Variants in STK39 observed in about 807,000 individuals in gnomAD.
STK39 encodes the protein STE20/SPS1-related proline-alanine-rich protein kinase.
STK39 carries 20 observed loss-of-function variants against 77.8 expected under a neutral mutation model. That is an observed-to-expected ratio of 0.26 (90% CI 0.18 to 0.37). The LOEUF (loss-of-function observed/expected upper bound fraction) is 0.37. Ranked by LOEUF, STK39 falls within the 10% of genes least tolerant of loss-of-function variation. The pLI is 1.00. For missense variants in STK39, 479 were observed against 656.5 expected (o/e 0.73, Z 2.95); for synonymous variants, 246 against 234.1 (o/e 1.05, Z -0.47).
chr2:168,190,124 T>C (rs1288703405), intron 1 of STK39, among the ~76,000 whole-genome samples: 1 of 152,162 alleles, frequency 6.6e-6, no homozygotes, highest in Non-Finnish European at 1.5e-5. Flanking sequence ...TCCGGCCTTA[T>C]TATTCCTAGA....
chr2:168,001,669 A>C (rs568468196), intron 16 of STK39, among the ~76,000 whole-genome samples: 2 of 152,308 alleles, frequency 1.3e-5, no homozygotes, highest in Non-Finnish European at 2.9e-5. Flanking sequence ...TTTTTGATTG[A>C]GCAAACAAGG....
chr2:168,037,568 A>G (rs1327368493), intron 14 of STK39, among the ~76,000 whole-genome samples: 7 of 152,222 alleles, frequency 4.6e-5, no homozygotes, highest in African/African-American at 1.7e-4. Context: ...ATAGGAAGAC[A>G]CTTAAATAAA....
chr2:168,154,325 A>T (rs928381503), intron 5 of STK39, among the ~76,000 whole-genome samples: 11 of 152,208 alleles, frequency 7.2e-5, no homozygotes, highest in Admixed American at 4.6e-4. Flanking sequence ...GAGCCTAAGC[A>T]CATCATTTTA....
chr2:168,033,714 C>T (rs1429371047), intron 14 of STK39, among the ~76,000 whole-genome samples: 1 of 152,176 alleles, frequency 6.6e-6, no homozygotes. Flanking sequence ...AAGGAGAGCA[C>T]AAAGTACTTG....
chr2:168,027,240 C>T (rs1684720597), intron 14 of STK39, among the ~76,000 whole-genome samples: 1 of 152,128 alleles, frequency 6.6e-6, no homozygotes, highest in Non-Finnish European at 1.5e-5. Context: ...TATCTCCAGC[C>T]ACCATGGGCC....
intron 1 of STK39, among the ~76,000 whole-genome samples, chr2:168,223,510 CAAA>C (rs60067513): frequency 7.8e-5 from 8 of 102,208 alleles, no homozygotes; most frequent in Admixed American, 1.1e-4. Context: ...GACTCCGTCT[CAAA>C]AAAAAAAAAA....
intron 16 of STK39, among the ~76,000 whole-genome samples, chr2:167,990,721 T>C (rs749132598): frequency 6.6e-5 from 10 of 152,170 alleles, no homozygotes; most frequent in Non-Finnish European, 1.3e-4. Context: ...ATATGTACAG[T>C]GGTATGTTTT....
At chr2:168,141,606 C>T (rs529632770) in intron 5 of STK39, among the ~76,000 whole-genome samples, 1 of 152,306 alleles carries the variant, frequency 6.6e-6, no homozygotes, top group East Asian at 1.9e-4. Flanking sequence ...AGTTAAAGTA[C>T]CAATTACTCA....
Position 168,247,362 on chromosome 2 carries a change from G to A in STK39, c.74C>T (p.Ala25Val). 2.0e-6 allele frequency: 2 copies of A among 981,424 alleles called. No individual in the cohort carries two copies. Among genetic ancestry groups the A allele is most frequent in the Non-Finnish European group, 2.5e-6 (2 of 799,018 alleles). The allele number at this position is 981,424 out of a possible 1,614,324, so 60.8% of individuals were successfully genotyped here. The stretch of plus-strand genomic sequence containing the variant: ...TGCTGTCGCGGCCGCCGGGGCCGCC[G>A]CCGCCGCCGCTGTCACCGGGGCCGC... ...QQAAPVTAAA[A>V]AAPAAATAAP... Residue 25 changes from alanine (A) to valine (V), a missense_variant, in exon 1 of 18, where the codon GCG becomes GTG. Physicochemically the swap from Ala to Val is moderately conservative, Grantham distance 64 (BLOSUM62 0). This residue lies in a region of STK39 where 96 missense variants were observed against 79.1 expected (regional missense o/e 1.21). Coordinates refer to ENST00000355999, the MANE Select transcript of STK39 (RefSeq NM_013233.3).
rs182361847 is a variant in STK39 at position 168,026,513 on chromosome 2, A to G, written c.1377-9418T>C. 2.0e-5 allele frequency among the ~76,000 whole-genome samples: 3 copies of G among 152,316 alleles called. No individual in the cohort carries two copies. The East Asian group carries it at 5.8e-4, about 29-fold the overall frequency. On this transcript the variant is annotated intron_variant, in intron 14 of 17. Coordinates refer to ENST00000355999, the MANE Select transcript of STK39 (RefSeq NM_013233.3). Reference sequence around the variant, plus strand: ...CATTCTCCATAAATCATTATTGATCACCTACTATGTGTCAGGTTTGTGCCA... The same window carrying G: ...CATTCTCCATAAATCATTATTGATCGCCTACTATGTGTCAGGTTTGTGCCA...
chr2:168,090,039 T>G (rs1400352339), intron 10 of STK39, among the ~76,000 whole-genome samples: 1 of 152,258 alleles, frequency 6.6e-6, no homozygotes, highest in African/African-American at 2.4e-5. Context: ...ATTAATACTC[T>G]GCTTTTCCAT....
chr2:168,170,683 G>GA (rs774553746), intron 2 of STK39, among the ~76,000 whole-genome samples: 4 of 152,196 alleles, frequency 2.6e-5, no homozygotes, highest in Non-Finnish European at 5.9e-5. Flanking sequence ...AAGGTTGGGG[G>GA]ATGTGAGAGG....
chr2:168,137,061 T>C (rs1034506369), intron 8 of STK39, among the ~76,000 whole-genome samples: 3 of 152,222 alleles, frequency 2.0e-5, no homozygotes, highest in African/African-American at 7.2e-5. Context: ...ATGGGTACAA[T>C]TATGGAAACT....
At chr2:168,220,167 T>C (rs1389386873) in intron 1 of STK39, among the ~76,000 whole-genome samples, 1 of 152,164 alleles carries the variant, frequency 6.6e-6, no homozygotes, top group African/African-American at 2.4e-5. Flanking sequence ...GCAATCCTCC[T>C]GCCTCAGCCT....
chr2:168,049,220 C>T (rs1221655640), intron 14 of STK39, among the ~76,000 whole-genome samples: 1 of 152,186 alleles, frequency 6.6e-6, no homozygotes, highest in African/African-American at 2.4e-5. Flanking sequence ...CGGCTACCAC[C>T]TAACATCCAG....
intron 1 of STK39, among the ~76,000 whole-genome samples, chr2:168,232,639 G>A (rs964530391): frequency 2.0e-5 from 3 of 152,198 alleles, no homozygotes; most frequent in East Asian, 1.9e-4. Context: ...AAGGCCAGGC[G>A]CAGTGGCTCA....
chr2:168,150,946 C>A (rs916139231), intron 5 of STK39, among the ~76,000 whole-genome samples: 3 of 151,988 alleles, frequency 2.0e-5, no homozygotes, highest in African/African-American at 7.2e-5. Context: ...TTCCCCTCAC[C>A]CCACATCAGG....
chr2:168,136,703 T>G (rs1687851056), intron 8 of STK39, among the ~76,000 whole-genome samples: 1 of 152,144 alleles, frequency 6.6e-6, no homozygotes, highest in Non-Finnish European at 1.5e-5. Flanking sequence ...TCAAAAAATT[T>G]TACTGGAGAT....
At chr2:167,968,371 GAC>G (rs1559037736) in intron 16 of STK39, among the ~76,000 whole-genome samples, 1 of 152,130 alleles carries the variant, frequency 6.6e-6, no homozygotes, top group Non-Finnish European at 1.5e-5. Flanking sequence ...TTCACATTTT[GAC>G]AGTTAGAAAA....
Sources: gnomAD v4.1 joint callset for allele counts (sites outside exome capture counted in the v4.1 genomes callset) on GRCh38, gnomAD v4.1.1 for gene constraint, gnomAD v4.1.1 regional missense constraint, MANE v1.5 for transcripts, NCBI Gene and HGNC (gene_info 2026-07-23, HGNC 2026-07-21) for gene names.